PCDH15: variants seen among roughly 807,000 people sequenced by gnomAD.
The protein encoded by PCDH15 is protocadherin related 15, also known as protocadherin-15.
A neutral mutation model predicts 178.5 loss-of-function variants in PCDH15; 129 were observed. That is an observed-to-expected ratio of 0.72 (90% CI 0.63 to 0.84). The LOEUF is 0.84. Ranked by LOEUF, PCDH15 falls within the 40% of genes least tolerant of loss-of-function variation. PCDH15 has a pLI of 0.00. For synonymous variants in PCDH15, 800 were observed against 732.0 expected, an observed-to-expected ratio of 1.09 and a Z score of -1.50; for missense variants, 2,230 against 2,099.9, an observed-to-expected ratio of 1.06 and a Z score of -1.21.
intron 20 of PCDH15, among the ~76,000 whole-genome samples, chr10:53,998,019 G>A (rs1480122352): frequency 6.6e-6 from 1 of 152,094 alleles, no homozygotes; most frequent in Admixed American, 6.6e-5. Context: ...ATAGTTCACT[G>A]TATTTATGCT....
chr10:54,769,298 C>T (rs923648689), intron 1 of PCDH15, among the ~76,000 whole-genome samples: 8 of 149,218 alleles, frequency 5.4e-5, no homozygotes, highest in African/African-American at 1.5e-4. Flanking sequence ...GGCAGGCATG[C>T]TTGACAGCAG....
At chr10:54,999,768 T>C (rs891589474) in intron 2 of PCDH15, among the ~76,000 whole-genome samples, 5 of 152,210 alleles carry the variant, frequency 3.3e-5, no homozygotes, top group Admixed American at 1.3e-4. Context: ...TTCTTTTCTA[T>C]ATTCCCTAAG....
At chr10:55,342,882 A>G (rs1844642806) in intron 2 of PCDH15, among the ~76,000 whole-genome samples, 1 of 152,160 alleles carries the variant, frequency 6.6e-6, no homozygotes, top group African/African-American at 2.4e-5. Flanking sequence ...GTTCTCCAGA[A>G]GGACCTGAGA....
chr10:54,998,454 T>G (rs2131926513), intron 2 of PCDH15, among the ~76,000 whole-genome samples: 1 of 152,164 alleles, frequency 6.6e-6, no homozygotes, highest in Admixed American at 6.5e-5. Context: ...ATTCTGTCAT[T>G]AAAATACCCT....
intron 9 of PCDH15, among the ~76,000 whole-genome samples, chr10:54,217,501 T>C (rs1450489161): frequency 6.6e-6 from 1 of 152,158 alleles, no homozygotes; most frequent in Non-Finnish European, 1.5e-5. Flanking sequence ...TCTATTCTTT[T>C]CAGTATTGAA....
chr10:54,640,037 G>C (rs1024243437), intron 2 of PCDH15, among the ~76,000 whole-genome samples: 4 of 152,166 alleles, frequency 2.6e-5, no homozygotes, highest in South Asian at 2.1e-4. Context: ...GTGCATCACG[G>C]TCATACCTGT....
intron 1 of PCDH15, among the ~76,000 whole-genome samples, chr10:54,698,722 G>A (rs1002689527): frequency 6.6e-6 from 1 of 151,986 alleles, no homozygotes; most frequent in African/African-American, 2.4e-5. Context: ...TGAATTTAGA[G>A]GTCATAGATA....
At chr10:55,152,921 G>A (rs1838774508) in intron 2 of PCDH15, among the ~76,000 whole-genome samples, 2 of 151,354 alleles carry the variant, frequency 1.3e-5, no homozygotes, top group Non-Finnish European at 1.5e-5. Flanking sequence ...ACTTGGTTAA[G>A]GTTAAAGATA....
At chr10:54,373,642 T>C (rs1948006347) in intron 4 of PCDH15, among the ~76,000 whole-genome samples, 1 of 152,014 alleles carries the variant, frequency 6.6e-6, no homozygotes, top group African/African-American at 2.4e-5. Context: ...ATATGAAAAG[T>C]TTAATGTGGG....
At chr10:54,729,805 C>A (rs1943088339) in intron 1 of PCDH15, among the ~76,000 whole-genome samples, 1 of 151,290 alleles carries the variant, frequency 6.6e-6, no homozygotes, top group Non-Finnish European at 1.5e-5. Flanking sequence ...TAAAAACATT[C>A]TCATCATCAA....
intron 6 of PCDH15, among the ~76,000 whole-genome samples, chr10:54,341,485 C>T (rs181899889): frequency 6.2e-4 from 95 of 152,300 alleles, no homozygotes; most frequent in African/African-American, 2.2e-3. Context: ...AGTTAAACCT[C>T]CTTTCTTTGT....
chr10:54,760,971 G>C (rs191008914), intron 1 of PCDH15, among the ~76,000 whole-genome samples: 1 of 152,004 alleles, frequency 6.6e-6, no homozygotes, highest in Admixed American at 6.6e-5. Context: ...ATACAATATA[G>C]TTCAACTATA....
intron 3 of PCDH15, among the ~76,000 whole-genome samples, chr10:54,409,085 C>T (rs896483357): frequency 6.6e-6 from 1 of 152,106 alleles, no homozygotes; most frequent in Admixed American, 6.6e-5. Flanking sequence ...TAAGGGGAAA[C>T]CCCTTTCACC....
Position 54,768,337 on chromosome 10 carries a change from A to G in PCDH15, c.-29+32588T>C, listed in dbSNP as rs142882481. Among the ~76,000 whole-genome samples, 889 of 152,238 alleles carry G rather than the reference A, an allele frequency of 5.8e-3. 9 individuals carry two copies. The highest frequency in any genetic ancestry group is 0.02 in the African/African-American group (827 of 41,530). On this transcript the variant is annotated intron_variant, in intron 1 of 37. Transcript: ENST00000644397. The stretch of plus-strand genomic sequence containing the variant: ...CTATGAAATGAATGAACAGGACTAC[A>G]AGAGTTCTGAGGCCCCACTGAGCTC...
chr10:55,501,984 T>C lies in PCDH15; in HGVS notation c.-156+125641A>G, dbSNP rs544338331. On this transcript the variant is annotated intron_variant, in intron 2 of 5. Coordinates refer to the PCDH15 transcript ENST00000613346. ...ATTTAAAAATGTTTTTTTTCTTATG[T>C]AATTTCTTTACATCCTTCCCACTTG... is the stretch of plus-strand genomic sequence containing the variant. Among the ~76,000 whole-genome samples, 41 of 151,886 alleles carry C rather than the reference T, an allele frequency of 2.7e-4. 1 individual carries two copies. Among genetic ancestry groups the C allele is most frequent in the African/African-American group, 9.6e-4 (40 of 41,514 alleles).
intron 2 of PCDH15, among the ~76,000 whole-genome samples, chr10:54,531,026 T>C (rs1448498635): frequency 6.6e-6 from 1 of 152,176 alleles, no homozygotes; most frequent in Non-Finnish European, 1.5e-5. Context: ...CTATATATTA[T>C]GTATGAAAAT....
At chr10:54,812,780 G>A (rs1383857982) in intron 3 of PCDH15, among the ~76,000 whole-genome samples, 3 of 151,834 alleles carry the variant, frequency 2.0e-5, no homozygotes, top group Admixed American at 6.6e-5. Context: ...ATTATTTTTC[G>A]TAGAGATGGA....
At chr10:54,339,992 G>T (rs1354198543) in intron 6 of PCDH15, among the ~76,000 whole-genome samples, 1 of 152,126 alleles carries the variant, frequency 6.6e-6, no homozygotes, top group African/African-American at 2.4e-5. Context: ...CTCTCCAACT[G>T]CAAGACCTCA....
Position 54,183,569 on chromosome 10 carries a change from C to G in PCDH15, c.1465G>C (p.Glu489Gln). 4.3e-6 allele frequency: 7 copies of G among 1,613,944 alleles called. No homozygotes were observed. Among genetic ancestry groups the G allele is most frequent in the Non-Finnish European group, 5.9e-6 (7 of 1,179,966 alleles). Residue 489 changes from glutamate (E) to glutamine (Q), a missense_variant, in exon 13 of 38, where the codon GAA (glutamate) becomes CAA (glutamine). By Grantham distance (29) the Glu-to-Gln change is conservative. Transcript: ENST00000644397. ...ATATTGACGATGACTGGCTCACTTT[C>G]TTGTACACCATCAAATGCTGTTATC... ...FSITAFDGVQ[E>Q]SEPVIVNIQV...
Sources: allele counts gnomAD v4.1 joint callset (sites outside exome capture counted in the v4.1 genomes callset), GRCh38; gene constraint gnomAD v4.1.1; transcripts MANE v1.5; gene names NCBI Gene and HGNC (gene_info 2026-07-23, HGNC 2026-07-21).